Variants in SFXN3 observed in about 807,000 individuals in gnomAD.
SFXN3 encodes sideroflexin-3.
Under a neutral mutation model 40.4 loss-of-function variants are expected in SFXN3, and 31 were observed. The ratio of observed to expected loss-of-function variants is 0.77; its 90% CI spans 0.58 to 1.04. The LOEUF (loss-of-function observed/expected upper bound fraction) is 1.04, where lower values mean the gene tolerates loss of function less well. Among genes scored for constraint, SFXN3 ranks in the 50% least tolerant of loss-of-function variants. SFXN3 has a pLI of 0.00. For missense variants in SFXN3, 366 were observed against 408.2 expected (o/e 0.90, Z 0.89); for synonymous variants, 157 against 160.0 (o/e 0.98, Z 0.14).
At chr10:101,032,248 G>A (rs1938283068) in intron 1 of SFXN3, 66 bp from the exon 2 acceptor site, 2 of 514,256 alleles carry the variant, frequency 3.9e-6, no homozygotes, top group Admixed American at 4.1e-5. Flanking sequence ...CTGGGAAGCA[G>A]CTTAGGGCCT....
At chr10:101,037,500 C>T in intron 9 of SFXN3, 69 bp downstream of exon 9, 1 of 1,613,344 alleles carries the variant, frequency 6.2e-7, no homozygotes, top group Non-Finnish European at 8.5e-7. Context: ...CCCCAACTCT[C>T]TCTCCAGCCT....
At chr10:101,038,503 AT>A (rs1191527574) in intron 9 of SFXN3, 139 bp from the exon 10 acceptor site, 7 of 1,531,522 alleles carry the variant, frequency 4.6e-6, no homozygotes, top group Non-Finnish European at 6.1e-6. Context: ...CAGCCCTGTC[AT>A]TGCCTTGGGA....
At chr10:101,037,675 G>A (rs892056922) in intron 9 of SFXN3, 2 of 1,420,064 alleles carry the variant, frequency 1.4e-6, no homozygotes, top group African/African-American at 2.9e-5. Context: ...TACTCCAGTG[G>A]CTTCTGACAC....
At position 101,036,789 on chromosome 10, in the gene SFXN3, A is replaced by G; in HGVS notation, c.574A>G (p.Ile192Val). Residue 192 changes from isoleucine (I) to valine (V), a missense_variant, in exon 7 of 12, where the codon ATC becomes GTC. Physicochemically the swap from Ile to Val is conservative, Grantham distance 29. Coordinates refer to ENST00000393459, the Ensembl canonical transcript of SFXN3. This position sits in a 1 kb window ranked among gnomAD's most constrained non-coding sequence, Gnocchi z 4.2. ...AGTGGCAGCTGCCAACTGCATCAACATCCCCCTGATGAGGCAGAGGTGAGT... is the reference window on the plus strand; with the variant it reads ...AGTGGCAGCTGCCAACTGCATCAACGTCCCCCTGATGAGGCAGAGGTGAGT... The G allele has an allele frequency of 1.9e-6, 3 of 1,613,820 alleles. No individual in the cohort carries two copies. Among genetic ancestry groups the G allele is most frequent in the Non-Finnish European group, 2.5e-6 (3 of 1,179,750 alleles).
chr10:101,037,855 C>T, intron 9 of SFXN3: 1 of 1,070,134 alleles, frequency 9.3e-7, no homozygotes, highest in Non-Finnish European at 1.1e-6. Context: ...CATTTATTCA[C>T]AAATGTATTG....
chr10:101,036,689 C>T lies in SFXN3; in HGVS notation c.508-34C>T. 1 of 1,605,168 alleles carries T rather than the reference C, an allele frequency of 6.2e-7. No individual in the cohort carries two copies. The highest frequency in any genetic ancestry group is 8.5e-7 in the Non-Finnish European group (1 of 1,172,784). On this transcript the variant is annotated intron_variant, in intron 6 of 11. Transcript: ENST00000393459. This position sits in a 1 kb window ranked among gnomAD's most constrained non-coding sequence, Gnocchi z 4.2. Reference sequence around the variant, plus strand: ...CAGAGTCCCTCACCACCCCATGGCCCTTAGGGCCACTGAACAACACCCTTC... The same window carrying T: ...CAGAGTCCCTCACCACCCCATGGCCTTTAGGGCCACTGAACAACACCCTTC...
Position 101,036,945 on chromosome 10 carries a change from G to A in SFXN3, c.594-131G>A. On this transcript the variant is annotated intron_variant, in intron 7 of 11. Coordinates refer to ENST00000393459, the Ensembl canonical transcript of SFXN3. The surrounding 1 kb of genome is among the most constrained non-coding windows in gnomAD (Gnocchi z 4.2). ...TGGGCCCTGGCTCAGTCTGACCCTG[G>A]GATCCTCAGGTGGGAGAACCAGCCT... 2 of 1,519,450 alleles carry A rather than the reference G, an allele frequency of 1.3e-6. No homozygotes were observed. The highest frequency in any genetic ancestry group is 1.8e-6 in the Non-Finnish European group (2 of 1,128,236). 94.1% of individuals were successfully genotyped at this position (1,519,450 alleles called of 1,614,324 possible). A position where few individuals can be genotyped will look rare whatever the true frequency, so the allele number is the denominator to read the frequency against.
exon 4 of SFXN3, chr10:101,035,628 T>C: frequency 6.2e-7 from 1 of 1,613,898 alleles, no homozygotes; most frequent in East Asian, 2.2e-5. Flanking sequence ...CAGGTGCCCA[T>C]GAACATGACC....
chr10:101,031,912 G>T (rs2134178493), intron 1 of SFXN3, among the ~76,000 whole-genome samples: 1 of 152,280 alleles, frequency 6.6e-6, no homozygotes, highest in East Asian at 1.9e-4. Flanking sequence ...CGAATGCCGC[G>T]CTGCTACAAG....
chr10:101,038,589 T>C (rs807049), intron 9 of SFXN3, 54 bp from the exon 10 acceptor site: 576,172 of 1,612,716 alleles, frequency 0.36, 106,705 homozygotes, highest in Non-Finnish European at 0.38. Context: ...TGAAATGGGG[T>C]GACAGTGAGG....
intron 2 of SFXN3, 111 bp downstream of exon 2, chr10:101,032,593 G>C: frequency 8.1e-7 from 1 of 1,241,488 alleles, no homozygotes; most frequent in East Asian, 3.0e-5. Context: ...CTCTGTGGAG[G>C]TCCAAGTCCA....
At chr10:101,032,183 C>T in intron 1 of SFXN3, 131 bp from the exon 2 acceptor site, 1 of 384,610 alleles carries the variant, frequency 2.6e-6, no homozygotes, top group Non-Finnish European at 4.7e-6. Flanking sequence ...GCTCCAGCCC[C>T]TCCTCCCTTT....
rs1938636541 is a variant in SFXN3 at position 101,036,903 on chromosome 10, C to T, written c.593+95C>T. ...TCAGAATGGGGACATCCCTCTCCCT[C>T]CCCAGACATGAGCTGCTGGGCCCTG... On this transcript the variant is annotated intron_variant, in intron 7 of 11. Coordinates refer to ENST00000393459, the Ensembl canonical transcript of SFXN3. This position sits in a 1 kb window ranked among gnomAD's most constrained non-coding sequence, Gnocchi z 4.2. The T allele has an allele frequency of 6.5e-7, 1 of 1,534,382 alleles. No homozygotes were observed. The highest frequency in any genetic ancestry group is 8.8e-7 in the Non-Finnish European group (1 of 1,133,638).
rs1480651784 is a variant in SFXN3, at chr10:101,036,678, A to T, written c.508-45A>T. ...CTATATCTCCCCAGAGTCCCTCACC[A>T]CCCCATGGCCCTTAGGGCCACTGAA... On this transcript the variant is annotated intron_variant, in intron 6 of 11. Coordinates refer to ENST00000393459, the Ensembl canonical transcript of SFXN3. The surrounding 1 kb of genome is among the most constrained non-coding windows in gnomAD (Gnocchi z 4.2). The T allele has an allele frequency of 1.9e-6, 3 of 1,603,270 alleles. No individual in the cohort carries two copies. Among genetic ancestry groups the T allele is most frequent in the East Asian group, 4.5e-5 (2 of 44,510 alleles).
chr10:101,039,302 G>A lies in SFXN3; in HGVS notation c.869+80G>A. On this transcript the variant is annotated intron_variant, in intron 11 of 11. Coordinates refer to ENST00000393459, the Ensembl canonical transcript of SFXN3. This position sits in a 1 kb window ranked among gnomAD's most constrained non-coding sequence, Gnocchi z 4.6. ...GGACCAGCTGACCTAGGGTCTTCCA[G>A]GGTGTTCAGGAGGAGGCCTGGCAGG... 1 of 1,402,130 alleles carries A rather than the reference G, an allele frequency of 7.1e-7. No homozygotes were observed. 86.9% of individuals were successfully genotyped at this position (1,402,130 alleles called of 1,614,324 possible).
chr10:101,033,349 C>T (rs1047042138), intron 2 of SFXN3, among the ~76,000 whole-genome samples: 1 of 152,186 alleles, frequency 6.6e-6, no homozygotes, highest in Non-Finnish European at 1.5e-5. Flanking sequence ...TTTGTTGCTG[C>T]TTATGTGTCA....
intron 3 of SFXN3, among the ~76,000 whole-genome samples, 154 bp from the exon 4 acceptor site, chr10:101,035,342 GC>G (rs1015558017): frequency 5.3e-5 from 8 of 152,228 alleles, no homozygotes; most frequent in Non-Finnish European, 1.5e-5. Flanking sequence ...GGAAACTTTG[GC>G]CCTCTCCCAA....
intron 1 of SFXN3, 42 bp from the exon 2 acceptor site, chr10:101,032,272 C>T: frequency 3.6e-6 from 2 of 549,762 alleles, no homozygotes; most frequent in Non-Finnish European, 6.4e-6. Context: ...CCAGGTGGCC[C>T]AGGCTGGGGG....
At chr10:101,035,632 C>T in exon 4 of SFXN3, 3 of 1,613,582 alleles carry the variant, frequency 1.9e-6, no homozygotes, top group African/African-American at 1.3e-5. Context: ...TGCCCATGAA[C>T]ATGACCATCA....
Sources: gnomAD v4.1 joint callset for allele counts (sites outside exome capture counted in the v4.1 genomes callset) on GRCh38, gnomAD v4.1.1 for gene constraint, Gnocchi (gnomAD v3.1) non-coding constraint, MANE v1.5 for transcripts, NCBI Gene and HGNC (gene_info 2026-07-23, HGNC 2026-07-21) for gene names.